The following STK3 variants were observed in gnomAD, a reference collection of about 807,000 sequenced individuals.
STK3 encodes the protein serine/threonine-protein kinase 3.
STK3 carries 41 observed loss-of-function variants against 58.0 expected under a neutral mutation model. The observed-to-expected ratio is 0.71, with a 90% CI of 0.55 to 0.92. The LOEUF (loss-of-function observed/expected upper bound fraction) is 0.92, where lower values mean the gene tolerates loss of function less well. Among genes scored for constraint, STK3 ranks in the 40% least tolerant of loss-of-function variants. STK3 has a pLI of 0.00. For missense variants in STK3, 479 were observed against 602.7 expected (o/e 0.79, Z 2.15); for synonymous variants, 170 against 191.0 (o/e 0.89, Z 0.91).
upstream of STK3, among the ~76,000 whole-genome samples, chr8:98,389,181 C>A (rs1352818585): frequency 6.6e-6 from 1 of 152,216 alleles, no homozygotes; most frequent in Non-Finnish European, 1.5e-5. Context: ...TCTCACCTTT[C>A]CTTTTACCTC....
intron 4 of STK3, among the ~76,000 whole-genome samples, chr8:98,728,030 G>A (rs1827905814): frequency 6.6e-6 from 1 of 152,164 alleles, no homozygotes; most frequent in Non-Finnish European, 1.5e-5. Context: ...CATTCATCAA[G>A]CTTCATATTC....
At position 98,763,969 on chromosome 8, in the gene STK3, C is replaced by T. The variant is rs375170603; in HGVS notation, c.236+3274G>A. 7.2e-4 allele frequency among the ~76,000 whole-genome samples: 110 copies of T among 152,298 alleles called. 1 individual carries two copies. The highest frequency in any genetic ancestry group is 2.5e-3 in the African/African-American group (103 of 41,566). ...AGATTACAGGCGTGAGCCACCATGC[C>T]CGGCCCTAATTTATTTTTTACTAGT... is the stretch of plus-strand genomic sequence containing the variant. On this transcript the variant is annotated intron_variant, in intron 3 of 10. Transcript: ENST00000419617.
At chr8:98,744,446 T>C (rs953885328) in intron 4 of STK3, among the ~76,000 whole-genome samples, 5 of 151,322 alleles carry the variant, frequency 3.3e-5, no homozygotes, top group African/African-American at 7.3e-5. Context: ...ATGGATGAAA[T>C]TGGAAATCAT....
At chr8:98,441,065 T>A (rs1435571438) in intron 1 of STK3, among the ~76,000 whole-genome samples, 2 of 152,184 alleles carry the variant, frequency 1.3e-5, no homozygotes, top group African/African-American at 2.4e-5. Context: ...CACTAGAAGG[T>A]AGATATTTTA....
the STK3 span, among the ~76,000 whole-genome samples, chr8:98,365,718 G>T: frequency 6.8e-6 from 1 of 148,000 alleles, no homozygotes; most frequent in Non-Finnish European, 1.5e-5. Flanking sequence ...ACACATGAAT[G>T]TATTGATAAA....
intron 1 of STK3, chr8:98,438,604 A>C (rs1818575733): frequency 6.6e-6 from 1 of 152,256 alleles, no homozygotes; most frequent in African/African-American, 2.4e-5. Context: ...CCCCTCAGAC[A>C]GCCCCTCAGG....
At chr8:98,377,852 G>T (rs1817690461) in intron 2 of STK3, among the ~76,000 whole-genome samples, 1 of 152,178 alleles carries the variant, frequency 6.6e-6, no homozygotes, top group Non-Finnish European at 1.5e-5. Context: ...GCAGAATGTG[G>T]ATACTGCAGG....
chr8:98,384,047 T>C lies in STK3; in HGVS notation n.56+4145A>G, dbSNP rs143546422. Among the ~76,000 whole-genome samples the C allele has an allele frequency of 2.1e-3, 324 of 152,254 alleles. 1 individual carries two copies. The Middle Eastern group carries it at 0.037, about 18-fold the overall frequency. On this transcript the variant is annotated intron_variant and non_coding_transcript_variant, in intron 1 of 2. Coordinates refer to the STK3 transcript ENST00000518704. The stretch of plus-strand genomic sequence containing the variant: ...GCAAATGAGGCAGGAGAATAGAGAT[T>C]TAGGGTAACCAAGGGTTAAGGCATA...
intron 4 of STK3, among the ~76,000 whole-genome samples, chr8:98,737,469 A>C (rs1828698672): frequency 6.6e-6 from 1 of 152,210 alleles, no homozygotes; most frequent in African/African-American, 2.4e-5. Context: ...GATTACAAAA[A>C]AGGTACATGA....
chr8:98,532,619 A>T (rs1826246485), intron 9 of STK3, among the ~76,000 whole-genome samples: 1 of 152,228 alleles, frequency 6.6e-6, no homozygotes, highest in Non-Finnish European at 1.5e-5. Flanking sequence ...CAATCTGTAA[A>T]ACACAGAATG....
chr8:98,832,673 G>A (rs1835581605), intron 3 of STK3, among the ~76,000 whole-genome samples: 1 of 152,028 alleles, frequency 6.6e-6, no homozygotes, highest in Non-Finnish European at 1.5e-5. Flanking sequence ...AGTTTTTAAG[G>A]TTTCTCTGGG....
intron 8 of STK3, among the ~76,000 whole-genome samples, chr8:98,561,636 A>G (rs188300382): frequency 2.0e-5 from 3 of 152,262 alleles, no homozygotes; most frequent in East Asian, 1.9e-4. Flanking sequence ...AGCTTGTGCG[A>G]AAGAATGAGA....
intron 3 of STK3, among the ~76,000 whole-genome samples, chr8:98,852,935 T>A (rs1446585418): frequency 6.6e-6 from 1 of 152,168 alleles, no homozygotes; most frequent in East Asian, 1.9e-4. Flanking sequence ...AATGGATTTA[T>A]GTTACCCATT....
chr8:98,837,108 C>A (rs1835774635), intron 3 of STK3, among the ~76,000 whole-genome samples: 1 of 151,974 alleles, frequency 6.6e-6, no homozygotes, highest in Non-Finnish European at 1.5e-5. Context: ...CTCAGATACC[C>A]CCGGAGGTAC....
Position 98,641,906 on chromosome 8 carries a change from C to T in STK3, c.685-45737G>A, listed in dbSNP as rs1251962769. On this transcript the variant is annotated intron_variant, in intron 6 of 10. Transcript: ENST00000419617. ...AGCTTTATATCTAACTCTATGTTGT[C>T]TTTCTTAGAGGTAAATCAAGGTGCT... Among the ~76,000 whole-genome samples, 10 of 152,252 alleles carry T rather than the reference C, an allele frequency of 6.6e-5. No individual in the cohort carries two copies. The South Asian group carries it at 1.7e-3, about 25-fold the overall frequency.
intron 1 of STK3, among the ~76,000 whole-genome samples, chr8:98,890,794 GT>G (rs529048083): frequency 3.9e-4 from 59 of 152,266 alleles, no homozygotes; most frequent in African/African-American, 1.4e-3. Context: ...TTAGGCCAGG[GT>G]TCATGACAAT....
intron 10 of STK3, among the ~76,000 whole-genome samples, chr8:98,483,047 G>C (rs1821975284): frequency 6.6e-6 from 1 of 152,142 alleles, no homozygotes; most frequent in Non-Finnish European, 1.5e-5. Context: ...ACAGATAAGG[G>C]AGAAGCTCTC....
intron 9 of STK3, among the ~76,000 whole-genome samples, chr8:98,531,311 G>C (rs1327481298): frequency 6.6e-6 from 1 of 152,196 alleles, no homozygotes; most frequent in Non-Finnish European, 1.5e-5. Flanking sequence ...GTGTTAGCAG[G>C]CATGAAAACA....
At chr8:98,941,026 C>T (rs561346734) in intron 1 of STK3, among the ~76,000 whole-genome samples, 2 of 152,306 alleles carry the variant, frequency 1.3e-5, no homozygotes, top group South Asian at 2.1e-4. Flanking sequence ...GCTGGGCCGG[C>T]GGGGCAGCTG....
Sources: gnomAD v4.1 joint callset for allele counts (sites outside exome capture counted in the v4.1 genomes callset) on GRCh38, gnomAD v4.1.1 for gene constraint, MANE v1.5 for transcripts, NCBI Gene and HGNC (gene_info 2026-07-23, HGNC 2026-07-21) for gene names.